Variants in MINDY2 observed in about 807,000 individuals in gnomAD.
MINDY2 encodes MINDY lysine 48 deubiquitinase 2.
Under a neutral mutation model 68.2 loss-of-function variants are expected in MINDY2, and 52 were observed. The observed-to-expected ratio is 0.76, with a 90% confidence interval of 0.61 to 0.96. MINDY2 has a LOEUF of 0.96. MINDY2 is among the 40% of genes least tolerant of loss of function. The pLI, the probability that MINDY2 is intolerant of heterozygous loss-of-function variation, is 0.00. For synonymous variants in MINDY2, 372 were observed against 303.0 expected, an observed-to-expected ratio of 1.23 and a Z score of -2.36; for missense variants, 881 against 773.4, an observed-to-expected ratio of 1.14 and a Z score of -1.65.
intron 4 of MINDY2, among the ~76,000 whole-genome samples, chr15:58,813,174 C>T (rs2030418569): frequency 6.6e-6 from 1 of 152,188 alleles, no homozygotes; most frequent in Admixed American, 6.6e-5. Flanking sequence ...TGTGGACCTA[C>T]CGCAGTTTTA....
chr15:58,810,200 A>T (rs374456156), intron 3 of MINDY2, 30 bp from the exon 4 acceptor site: 107 of 1,572,346 alleles, frequency 6.8e-5, no homozygotes, highest in Non-Finnish European at 8.7e-5. Context: ...GATGTTTCTG[A>T]ATTAGAACTT....
chr15:58,799,178 G>T (rs574499204), intron 2 of MINDY2, among the ~76,000 whole-genome samples: 19 of 152,232 alleles, frequency 1.2e-4, no homozygotes, highest in Non-Finnish European at 2.6e-4. Context: ...TTCAGGGCCA[G>T]TCGTGCCAGA....
chr15:58,844,214 A>C (rs918755734), intron 6 of MINDY2, among the ~76,000 whole-genome samples: 2 of 152,190 alleles, frequency 1.3e-5, no homozygotes, highest in African/African-American at 4.8e-5. Flanking sequence ...ATATTTTGCT[A>C]TTCTATGCTA....
chr15:58,774,834 G>T (rs910703231), intron 1 of MINDY2, among the ~76,000 whole-genome samples: 1 of 152,198 alleles, frequency 6.6e-6, no homozygotes, highest in Non-Finnish European at 1.5e-5. Context: ...GGAGGTAAAC[G>T]AAATGGTGGT....
At position 58,833,710 on chromosome 15, in the gene MINDY2, A is replaced by G. The variant is rs188243968; in HGVS notation, c.1368+1794A>G. Among the ~76,000 whole-genome samples the G allele has an allele frequency of 7.8e-3, 1,190 of 152,228 alleles. 19 individuals are homozygous for G. The highest frequency in any genetic ancestry group is 0.027 in the African/African-American group (1,140 of 41,536). On this transcript the variant is annotated intron_variant, in intron 6 of 8. Transcript: ENST00000559228. ...ATTGCTGCCAGCATGTCCCATCTTC[A>G]GCCCTAAGGCGGTTTTCCCCTGTCT...
At chr15:58,830,697 A>T (rs2141018268) in intron 5 of MINDY2, among the ~76,000 whole-genome samples, 1 of 152,296 alleles carries the variant, frequency 6.6e-6, no homozygotes, top group East Asian at 1.9e-4. Flanking sequence ...TTATGCTTGG[A>T]TGCTGTTTGA....
At chr15:58,783,110 G>A (rs943995651) in intron 1 of MINDY2, among the ~76,000 whole-genome samples, 4 of 151,624 alleles carry the variant, frequency 2.6e-5, no homozygotes, top group Admixed American at 1.3e-4. Flanking sequence ...TAGTAGAGAC[G>A]GGATTTCACC....
rs57285066 is a variant in MINDY2 at position 58,833,895 on chromosome 15, C to T, written c.1368+1979C>T. Among the ~76,000 whole-genome samples the T allele has an allele frequency of 3.9e-5, 6 of 152,150 alleles. No homozygotes were observed. In the South Asian group the frequency reaches 8.3e-4, roughly 21 times the overall value. On this transcript the variant is annotated intron_variant, in intron 6 of 8. Coordinates refer to ENST00000559228, the MANE Select transcript of MINDY2 (RefSeq NM_001040450.3). ...AGACCCTTTATGGGTGTCGGGCTGC[C>T]GGACGGTCAGGTCTTTCCCTTCCCA...
intron 2 of MINDY2, among the ~76,000 whole-genome samples, chr15:58,799,760 A>G (rs759571775): frequency 6.6e-6 from 1 of 152,196 alleles, no homozygotes; most frequent in Non-Finnish European, 1.5e-5. Context: ...AGAGCCAGAC[A>G]TGGACATGGC....
chr15:58,782,911 G>GTTTTTTTTT lies in MINDY2; in HGVS notation c.841-4977_841-4969dup, dbSNP rs1157376592. On this transcript the variant is annotated intron_variant, in intron 1 of 8. Coordinates refer to ENST00000559228, the MANE Select transcript of MINDY2 (RefSeq NM_001040450.3). ...TCAATATATTTAATTTTTTCTCTCT[G>GTTTTTTTTT]TTTTTTTTTTTTTTTTTTTTTTTTT... Among the ~76,000 whole-genome samples, 59 of 64,494 alleles carry GTTTTTTTTT rather than the reference G, an allele frequency of 9.1e-4. 8 individuals are homozygous for GTTTTTTTTT. The highest frequency in any genetic ancestry group is 6.5e-3 in the East Asian group (8 of 1,234). 42.3% of individuals were successfully genotyped at this position (64,494 alleles called of 152,430 possible).
Position 58,848,012 on chromosome 15 carries a change from G to A in MINDY2, c.1542+542G>A, listed in dbSNP as rs572620331. Among the ~76,000 whole-genome samples the A allele has an allele frequency of 1.1e-4, 17 of 152,184 alleles. No homozygotes were observed. The East Asian group carries it at 2.9e-3, about 26-fold the overall frequency. The stretch of plus-strand genomic sequence containing the variant: ...TTAGAGGCCAAGGTAAGGAGGAGTA[G>A]TAGACATTTGTAGCAGGAGACACAC... On this transcript the variant is annotated intron_variant, in intron 7 of 8. Transcript: ENST00000559228.
rs1417822929 is a variant in MINDY2 at position 58,771,371 on chromosome 15, T to C, written c.-25T>C. On this transcript the variant is annotated 5_prime_UTR_variant, in exon 1 of 9. The change abolishes the stop of an existing upstream ORF in the 5' untranslated region. Transcript: ENST00000559228. ...TGCGGAGAAGTGGCCGCGGTCTCCA[T>C]AGAGCTGGGGGCGGGCGGCCCGGTA... The C allele has an allele frequency of 1.9e-6, 3 of 1,589,836 alleles. No individual in the cohort carries two copies. Among genetic ancestry groups the C allele is most frequent in the Non-Finnish European group, 2.6e-6 (3 of 1,170,302 alleles).
intron 6 of MINDY2, among the ~76,000 whole-genome samples, chr15:58,836,809 A>G (rs1160875089): frequency 6.6e-6 from 1 of 151,940 alleles, no homozygotes; most frequent in Non-Finnish European, 1.5e-5. Flanking sequence ...TTTTAGAGAC[A>G]GGATATCCCT....
intron 3 of MINDY2, among the ~76,000 whole-genome samples, chr15:58,803,868 G>A (rs1314543378): frequency 1.3e-5 from 2 of 149,100 alleles, no homozygotes; most frequent in African/African-American, 5.0e-5. Flanking sequence ...CAGCACTTTG[G>A]TAGGCCAAGG....
At chr15:58,799,966 C>T (rs1005864219) in intron 2 of MINDY2, among the ~76,000 whole-genome samples, 2 of 151,972 alleles carry the variant, frequency 1.3e-5, no homozygotes, top group African/African-American at 4.8e-5. Flanking sequence ...CTGGCGGGGG[C>T]GCATAGTTAA....
chr15:58,806,294 G>A (rs1312372161), intron 3 of MINDY2, among the ~76,000 whole-genome samples: 1 of 151,134 alleles, frequency 6.6e-6, no homozygotes, highest in African/African-American at 2.4e-5. Context: ...TGCTGGTCTC[G>A]AACTCCTGGC....
At chr15:58,810,467 T>C in intron 4 of MINDY2, 79 bp downstream of exon 4, 1 of 1,322,488 alleles carries the variant, frequency 7.6e-7, no homozygotes, top group South Asian at 1.6e-5. Flanking sequence ...TCAATTTATA[T>C]TTTTTGTTAC....
chr15:58,796,569 A>G (rs943007321), intron 2 of MINDY2, among the ~76,000 whole-genome samples: 8 of 152,272 alleles, frequency 5.3e-5, no homozygotes, highest in South Asian at 2.1e-4. Context: ...CTGTTGCCCA[A>G]GCTGGAGTGC....
chr15:58,779,141 T>A (rs377511136), intron 1 of MINDY2, among the ~76,000 whole-genome samples: 2 of 151,944 alleles, frequency 1.3e-5, no homozygotes, highest in South Asian at 2.1e-4. Flanking sequence ...CAAGTAATCC[T>A]GCCTCAGCCT....
Sources: allele counts gnomAD v4.1 joint callset (sites outside exome capture counted in the v4.1 genomes callset), GRCh38; gene constraint gnomAD v4.1.1; transcripts MANE v1.5; gene names NCBI Gene and HGNC (gene_info 2026-07-23, HGNC 2026-07-21).